ZNF469: variants seen among roughly 807,000 people sequenced by gnomAD.
The protein encoded by ZNF469 is zinc finger protein 469.
A neutral mutation model predicts 1.0 loss-of-function variants in ZNF469; 1 was observed. That is an observed-to-expected ratio of 1.00 (90% CI 0.35 to 4.73). The LOEUF (loss-of-function observed/expected upper bound fraction) is 4.73. Ranked by LOEUF, ZNF469 falls within the 30% of genes most tolerant of loss-of-function variation. ZNF469 has a pLI of 0.16. For synonymous variants in ZNF469, 2,703 were observed against 2,363.4 expected (o/e 1.14, Z -4.17); for missense variants, 6,100 against 5,356.3 (o/e 1.14, Z -4.33).
intron 1 of ZNF469, among the ~76,000 whole-genome samples, chr16:88,417,553 A>G (rs1016844456): frequency 1.3e-5 from 2 of 152,194 alleles, no homozygotes; most frequent in African/African-American, 4.8e-5. Flanking sequence ...CCCGCAAGCC[A>G]GATGCCTGGC....
chr16:88,397,816 C>A (rs1193142068), intron 1 of ZNF469, among the ~76,000 whole-genome samples: 2 of 152,180 alleles, frequency 1.3e-5, no homozygotes, highest in African/African-American at 4.8e-5. Flanking sequence ...CCTGGATGGC[C>A]TCTGACTCCC....
At chr16:88,381,110 T>TCGCA (rs1358471261), upstream of ZNF469, among the ~76,000 whole-genome samples, 134 of 69,256 alleles carry the variant, frequency 1.9e-3, no homozygotes, top group African/African-American at 8.3e-3. Context: ...GGACATGCAC[T>TCGCA]CGCACACACG....
the ZNF469 span, among the ~76,000 whole-genome samples, chr16:88,233,563 T>C: frequency 2.0e-5 from 3 of 152,258 alleles, no homozygotes; most frequent in African/African-American, 4.8e-5. Flanking sequence ...CCCAAATGTA[T>C]AGCAGCTGGC....
chr16:88,292,900 C>T, the ZNF469 span, among the ~76,000 whole-genome samples: 9 of 152,160 alleles, frequency 5.9e-5, no homozygotes, highest in South Asian at 8.3e-4. Context: ...GACACTGGTC[C>T]GCTAGACAGT....
At chr16:88,252,076 G>A in the ZNF469 span, among the ~76,000 whole-genome samples, 2 of 147,784 alleles carry the variant, frequency 1.4e-5, no homozygotes, top group Non-Finnish European at 3.0e-5. Context: ...AAGCATCTAC[G>A]GCTTCAGGTG....
intron 1 of ZNF469, among the ~76,000 whole-genome samples, chr16:88,403,528 C>T (rs1029859751): frequency 5.9e-4 from 85 of 144,584 alleles, no homozygotes; most frequent in Admixed American, 1.2e-3. Context: ...GGTCTGCAGC[C>T]GGGCCTGTGA....
chr16:88,246,492 G>T, the ZNF469 span, among the ~76,000 whole-genome samples: 1 of 152,184 alleles, frequency 6.6e-6, no homozygotes, highest in Non-Finnish European at 1.5e-5. Context: ...CATGGAGACG[G>T]GTAGGAGGAG....
At chr16:88,346,740 C>G in the ZNF469 span, among the ~76,000 whole-genome samples, 344 of 152,316 alleles carry the variant, frequency 2.3e-3, 1 homozygote, top group African/African-American at 8.0e-3. Flanking sequence ...TGGACCTGTT[C>G]CTTCCTTTAA....
Position 88,437,696 on chromosome 16 carries a change from C to T in ZNF469, c.10226C>T (p.Thr3409Met), listed in dbSNP as rs762664895. The change falls in exon 3 of 3, where the codon ACG (threonine) becomes ATG (methionine). Residue 3409 changes from threonine (T) to methionine (M), a missense_variant. Coordinates refer to ENST00000565624, the MANE Select transcript of ZNF469 (RefSeq NM_001367624.2). The stretch of plus-strand genomic sequence containing the variant: ...CTGTATGCCTGCGAGCTCTGCGCCA[C>T]GGTTATGCGCATCATCAAGAAGTCC... ...TPLYACELCA[T>M]VMRIIKKSFA... is the part of the protein sequence containing the mutation. The T allele has an allele frequency of 4.5e-6, 7 of 1,549,784 alleles. No individual in the cohort carries two copies. Among genetic ancestry groups the T allele is most frequent in the Middle Eastern group, 1.7e-4 (1 of 5,988 alleles).
At chr16:88,184,612 C>T in the ZNF469 span, among the ~76,000 whole-genome samples, 1 of 151,974 alleles carries the variant, frequency 6.6e-6, no homozygotes, top group Non-Finnish European at 1.5e-5. Flanking sequence ...AGGGGGGAAG[C>T]TGCAGAGTTC....
chr16:88,402,070 G>A (rs1286142942), intron 1 of ZNF469, among the ~76,000 whole-genome samples: 3 of 150,116 alleles, frequency 2.0e-5, no homozygotes, highest in South Asian at 2.1e-4. Context: ...ATGGATGGAT[G>A]GATAGATGGT....
Position 88,429,157 on chromosome 16 carries a change from T to G in ZNF469, c.1687T>G (p.Phe563Val), listed in dbSNP as rs1438698259. The change falls in exon 3 of 3, where the codon TTC (phenylalanine) becomes GTC (valine). Residue 563 changes from phenylalanine (F) to valine (V), a missense_variant. Phe to Val is a conservative substitution (Grantham distance 50). Transcript: ENST00000565624. ...MTDPGAQPLF[F>V]GVAQPQVSPH... ...AGACCCTGGGGCTCAGCCCCTGTTC[T>G]TCGGGGTGGCCCAGCCCCAGGTTTC... is the stretch of plus-strand genomic sequence containing the variant. The G allele has an allele frequency of 6.5e-7, 1 of 1,549,770 alleles. No homozygotes were observed. Among genetic ancestry groups the G allele is most frequent in the East Asian group, 2.4e-5 (1 of 40,892 alleles).
In ZNF469 at chr16:88,437,514, G is replaced by C; in HGVS notation, c.10044G>C (p.Lys3348Asn). 3.2e-6 allele frequency: 5 copies of C among 1,542,406 alleles called. No individual in the cohort carries two copies. In the Middle Eastern group the frequency reaches 5.0e-4, roughly 155 times the overall value. The change falls in exon 3 of 3, where the codon AAG becomes AAC. Residue 3348 changes from lysine to asparagine, a missense_variant. By Grantham distance (94) the Lys-to-Asn change is moderately conservative. Transcript: ENST00000565624. ...DCHHCGKRFPKPFKLQRHLAV... is the reference protein window; with the variant it reads ...DCHHCGKRFPNPFKLQRHLAV... Reference sequence around the variant, plus strand: ...ACCACTGCGGGAAGCGCTTCCCCAAGCCCTTCAAGCTGCAGCGCCACCTGG... The same window carrying C: ...ACCACTGCGGGAAGCGCTTCCCCAACCCCTTCAAGCTGCAGCGCCACCTGG...
At chr16:88,219,666 C>T in the ZNF469 span, among the ~76,000 whole-genome samples, 1,987 of 152,000 alleles carry the variant, frequency 0.013, 43 homozygotes, top group African/African-American at 0.046. Context: ...CATAAAAACC[C>T]TAGAAGAAAA....
chr16:88,169,671 G>A, the ZNF469 span, among the ~76,000 whole-genome samples: 6 of 152,216 alleles, frequency 3.9e-5, no homozygotes, highest in African/African-American at 9.6e-5. This position sits in a 1 kb window ranked among gnomAD's most constrained non-coding sequence, Gnocchi z 6.1. Context: ...GAGCCTTTGC[G>A]CCCAGGTCGG....
the ZNF469 span, among the ~76,000 whole-genome samples, chr16:88,115,038 A>T: frequency 1.3e-5 from 2 of 152,254 alleles, no homozygotes; most frequent in African/African-American, 2.4e-5. Flanking sequence ...CCAACCCTCC[A>T]GGTCGCAGGG....
chr16:88,133,719 G>A, the ZNF469 span, among the ~76,000 whole-genome samples: 1 of 151,836 alleles, frequency 6.6e-6, no homozygotes, highest in Non-Finnish European at 1.5e-5. Flanking sequence ...ACATTCATAG[G>A]ATATTAAAGT....
At chr16:88,382,107 C>A (rs1039313888), upstream of ZNF469, among the ~76,000 whole-genome samples, 1 of 152,242 alleles carries the variant, frequency 6.6e-6, no homozygotes, top group Non-Finnish European at 1.5e-5. Flanking sequence ...GACTTGGGAT[C>A]CTCTGAAGTG....
the ZNF469 span, among the ~76,000 whole-genome samples, chr16:88,227,931 A>G: frequency 1.3e-5 from 2 of 152,160 alleles, no homozygotes; most frequent in South Asian, 2.1e-4. Flanking sequence ...GCACCCCGCC[A>G]GGCTCTGCCT....
Sources: gnomAD v4.1 joint callset for allele counts (sites outside exome capture counted in the v4.1 genomes callset) on GRCh38, gnomAD v4.1.1 for gene constraint, Gnocchi (gnomAD v3.1) non-coding constraint, MANE v1.5 for transcripts, NCBI Gene and HGNC (gene_info 2026-07-23, HGNC 2026-07-21) for gene names.